Variants in CIT observed in about 807,000 individuals in gnomAD.
The protein encoded by CIT is citron Rho-interacting kinase.
Under a neutral mutation model 272.7 loss-of-function variants are expected in CIT, and 79 were observed. The ratio of observed to expected loss-of-function variants is 0.29; its 90% confidence interval spans 0.24 to 0.35. CIT has a LOEUF of 0.35. Among genes scored for constraint, CIT ranks in the 10% least tolerant of loss-of-function variants. The pLI is 1.00. For synonymous variants in CIT, 948 were observed against 995.6 expected (o/e 0.95, Z 0.90); for missense variants, 1,909 against 2,618.3 (o/e 0.73, Z 5.91).
chr12:119,758,754 G>A, intron 20 of CIT, 54 bp from the exon 21 acceptor site: 1 of 1,171,660 alleles, frequency 8.5e-7, no homozygotes, highest in Non-Finnish European at 1.3e-6. Context: ...AGTAACAGGG[G>A]CAGTGCGGGC....
intron 5 of CIT, among the ~76,000 whole-genome samples, chr12:119,837,753 C>T (rs1969106263): frequency 6.6e-6 from 1 of 152,166 alleles, no homozygotes; most frequent in Non-Finnish European, 1.5e-5. Context: ...GATTGTCCAT[C>T]AGAATCACCA....
chr12:119,762,025 C>T (rs903165525), intron 19 of CIT, among the ~76,000 whole-genome samples: 1 of 152,172 alleles, frequency 6.6e-6, no homozygotes, highest in African/African-American at 2.4e-5. Flanking sequence ...ACACCAACAA[C>T]ATCAAGGAGG....
chr12:119,756,766 C>T (rs754999706), intron 22 of CIT, among the ~76,000 whole-genome samples: 12 of 152,088 alleles, frequency 7.9e-5, no homozygotes, highest in Non-Finnish European at 1.8e-4. Flanking sequence ...CGATCCAGCT[C>T]TGGGAAGTCA....
intron 17 of CIT, among the ~76,000 whole-genome samples, chr12:119,772,105 A>G (rs1566019401): frequency 6.6e-6 from 1 of 152,172 alleles, no homozygotes; most frequent in Non-Finnish European, 1.5e-5. Context: ...GTGACAGGAA[A>G]AAGCAAAAGA....
chr12:119,829,206 CGG>C (rs1566099551), intron 7 of CIT, among the ~76,000 whole-genome samples: 1 of 151,968 alleles, frequency 6.6e-6, no homozygotes, highest in Non-Finnish European at 1.5e-5. Flanking sequence ...GGCATGGTGG[CGG>C]GCACCTGTAA....
intron 12 of CIT, 140 bp from the exon 13 acceptor site, chr12:119,782,777 G>GAAACCGGAA: frequency 9.6e-7 from 1 of 1,043,362 alleles, no homozygotes; most frequent in Non-Finnish European, 1.4e-6. Context: ...CTTCCAGTTG[G>GAAACCGGAA]TTGCCGACTC....
intron 16 of CIT, among the ~76,000 whole-genome samples, chr12:119,773,985 G>A (rs140991227): frequency 6.6e-6 from 1 of 152,256 alleles, no homozygotes; most frequent in Non-Finnish European, 1.5e-5. Context: ...AAGAAGGAAG[G>A]AAATTCTGAT....
At chr12:119,838,651 C>A (rs1430884994) in intron 5 of CIT, among the ~76,000 whole-genome samples, 1 of 152,136 alleles carries the variant, frequency 6.6e-6, no homozygotes, top group African/African-American at 2.4e-5. Context: ...GCAGCAATGC[C>A]CTTGATGAAA....
intron 24 of CIT, among the ~76,000 whole-genome samples, chr12:119,735,707 T>C (rs1456959859): frequency 6.6e-6 from 1 of 152,188 alleles, no homozygotes; most frequent in Non-Finnish European, 1.5e-5. Context: ...AAGAATAGAC[T>C]GGTATCACCA....
rs534481753 is a variant in CIT at position 119,748,070 on chromosome 12, G to A, written c.2904+3980C>T. Among the ~76,000 whole-genome samples, 5 of 152,212 alleles carry A rather than the reference G, an allele frequency of 3.3e-5. No homozygotes were observed. The East Asian group carries it at 9.7e-4, about 30-fold the overall frequency. On this transcript the variant is annotated intron_variant, in intron 23 of 47. Transcript: ENST00000392521. ...TCCCAGCTACTTGGGAGGCTGAGGTGGGAGTATCACTCTTGAGCCTGGGAG... is the reference window on the plus strand; with the variant it reads ...TCCCAGCTACTTGGGAGGCTGAGGTAGGAGTATCACTCTTGAGCCTGGGAG...
intron 2 of CIT, among the ~76,000 whole-genome samples, chr12:119,875,044 T>C (rs751913148): frequency 3.9e-5 from 6 of 152,244 alleles, no homozygotes; most frequent in Non-Finnish European, 8.8e-5. Context: ...GGCTTATGCC[T>C]GTAAGCCCAA....
chr12:119,769,070 T>C (rs1962788036), intron 18 of CIT, among the ~76,000 whole-genome samples: 1 of 111,446 alleles, frequency 9.0e-6, no homozygotes, highest in South Asian at 2.9e-4. Context: ...CATTTGATAA[T>C]CATCCTTTTT....
intron 10 of CIT, among the ~76,000 whole-genome samples, chr12:119,788,237 C>A (rs1392748910): frequency 6.6e-6 from 1 of 151,984 alleles, no homozygotes; most frequent in East Asian, 1.9e-4. Context: ...CTAGCCAACA[C>A]ACACACACTC....
At chr12:119,863,201 CAAAAAAAAAAAAA>C (rs751421292) in intron 3 of CIT, among the ~76,000 whole-genome samples, 6 of 40,524 alleles carry the variant, frequency 1.5e-4, no homozygotes, top group East Asian at 8.1e-4. Flanking sequence ...GACTCTGTAT[CAAAAAAAAAAAAA>C]AAAAAAAAAA....
chr12:119,726,011 C>CGTGTGTGT (rs3999591), intron 28 of CIT, among the ~76,000 whole-genome samples: 4,764 of 149,996 alleles, frequency 0.032, 88 homozygotes, highest in African/African-American at 0.039. Flanking sequence ...ACCAAATATA[C>CGTGTGTGT]GTGTGTGTGT....
At chr12:119,711,134 C>A in intron 37 of CIT, 2 of 1,359,260 alleles carry the variant, frequency 1.5e-6, no homozygotes, top group Non-Finnish European at 2.0e-6. Flanking sequence ...TAAAAGCTCA[C>A]GTGTGAAACG....
chr12:119,701,985 A>C (rs1229171011), intron 41 of CIT, 27 bp from the exon 42 acceptor site: 1 of 1,568,146 alleles, frequency 6.4e-7, no homozygotes, highest in Admixed American at 1.7e-5. Flanking sequence ...GAAGAGAAGG[A>C]TGTGAGAGGT....
At chr12:119,800,162 G>A (rs1399468397) in intron 10 of CIT, among the ~76,000 whole-genome samples, 2 of 152,156 alleles carry the variant, frequency 1.3e-5, no homozygotes, top group African/African-American at 4.8e-5. Flanking sequence ...AAGAAAGGCT[G>A]AGAGGAACAG....
chr12:119,774,876 AG>A (rs1451112684), intron 16 of CIT, among the ~76,000 whole-genome samples: 1 of 152,138 alleles, frequency 6.6e-6, no homozygotes, highest in African/African-American at 2.4e-5. Flanking sequence ...CAGGAGGCGG[AG>A]GTGGGAGGAT....
Sources: gnomAD v4.1 joint callset for allele counts (sites outside exome capture counted in the v4.1 genomes callset) on GRCh38, gnomAD v4.1.1 for gene constraint, MANE v1.5 for transcripts, NCBI Gene and HGNC (gene_info 2026-07-23, HGNC 2026-07-21) for gene names.